The following NELL2 variants were observed in gnomAD, a reference collection of about 807,000 sequenced individuals.
NELL2 encodes the protein protein kinase C-binding protein NELL2.
Under a neutral mutation model 109.6 loss-of-function variants are expected in NELL2, and 41 were observed. The ratio of observed to expected loss-of-function variants is 0.37; its 90% CI spans 0.29 to 0.49. The LOEUF is 0.49. Ranked by LOEUF, NELL2 falls within the 20% of genes least tolerant of loss-of-function variation. NELL2 has a pLI of 0.98. For synonymous variants in NELL2, 355 were observed against 344.7 expected (o/e 1.03, Z -0.33); for missense variants, 900 against 1,008.3 (o/e 0.89, Z 1.45).
In NELL2 at chr12:44,716,570, GT is replaced by G. The variant is rs548200041; in HGVS notation, c.995-1830del. ...GACATCTAATTTTTAGGATTTTTTT[GT>G]TTTTATGAAACTCAGTAACCTCAAC... On this transcript the variant is annotated intron_variant, in intron 9 of 19. Transcript: ENST00000429094. Among the ~76,000 whole-genome samples, 487 of 152,050 alleles carry G rather than the reference GT, an allele frequency of 3.2e-3. 1 individual carries two copies. The highest frequency in any genetic ancestry group is 5.0e-3 in the Non-Finnish European group (343 of 67,950).
At chr12:44,723,133 G>A (rs1213418078) in intron 9 of NELL2, among the ~76,000 whole-genome samples, 3 of 151,598 alleles carry the variant, frequency 2.0e-5, no homozygotes, top group African/African-American at 4.9e-5. Context: ...AGCTTGCAGT[G>A]AGCCGAGATC....
chr12:44,792,289 T>C (rs1942463710), intron 3 of NELL2, among the ~76,000 whole-genome samples: 1 of 151,954 alleles, frequency 6.6e-6, no homozygotes, highest in South Asian at 2.1e-4. Flanking sequence ...AAACAGACAA[T>C]AAATGGAGAC....
At chr12:44,724,231 G>T (rs1863459798) in intron 9 of NELL2, among the ~76,000 whole-genome samples, 1 of 150,138 alleles carries the variant, frequency 6.7e-6, no homozygotes, top group Admixed American at 6.7e-5. Context: ...ATAGTCACTG[G>T]GCATCACTAG....
At chr12:44,572,031 CTCTT>C (rs537575557) in intron 15 of NELL2, among the ~76,000 whole-genome samples, 26 of 152,108 alleles carry the variant, frequency 1.7e-4, no homozygotes, top group Non-Finnish European at 2.5e-4. Flanking sequence ...AAAAAAAGGA[CTCTT>C]TCTTTCTTTC....
intron 13 of NELL2, among the ~76,000 whole-genome samples, chr12:44,655,382 T>C (rs1047224989): frequency 5.9e-5 from 9 of 152,218 alleles, no homozygotes; most frequent in Non-Finnish European, 1.2e-4. Context: ...TTGAAGCTGG[T>C]GTGCTTCCCC....
At chr12:44,611,879 G>A (rs1168329245) in intron 13 of NELL2, among the ~76,000 whole-genome samples, 1 of 152,006 alleles carries the variant, frequency 6.6e-6, no homozygotes, top group Admixed American at 6.6e-5. Flanking sequence ...ATACAGATGA[G>A]GAGGAAATGC....
chr12:44,914,917 T>C (rs1215421110), upstream of NELL2, among the ~76,000 whole-genome samples: 1 of 152,010 alleles, frequency 6.6e-6, no homozygotes, highest in Non-Finnish European at 1.5e-5. Flanking sequence ...TGGCGTGATC[T>C]CGGCTCACTG....
chr12:44,529,154 A>T (rs771796713), intron 16 of NELL2, among the ~76,000 whole-genome samples: 9 of 152,202 alleles, frequency 5.9e-5, no homozygotes, highest in Non-Finnish European at 1.3e-4. Flanking sequence ...AAGCTGCTAT[A>T]GTGGTTCAGG....
At chr12:44,523,840 T>A (rs1304534672) in intron 16 of NELL2, among the ~76,000 whole-genome samples, 3 of 152,222 alleles carry the variant, frequency 2.0e-5, no homozygotes, top group African/African-American at 7.2e-5. Context: ...AAAGTGCCTA[T>A]GATACTTTAA....
chr12:44,767,565 A>C (rs184991028), intron 9 of NELL2, among the ~76,000 whole-genome samples: 16 of 152,354 alleles, frequency 1.1e-4, no homozygotes, highest in Non-Finnish European at 2.9e-5. Context: ...CACCAAGATT[A>C]TGCATTAATG....
chr12:44,776,179 T>C (rs745433305), intron 7 of NELL2, 29 bp from the exon 8 acceptor site: 31 of 1,608,472 alleles, frequency 1.9e-5, no homozygotes, highest in Non-Finnish European at 2.5e-5. Context: ...GGTTTTACAT[T>C]GTTCATCCTT....
At chr12:44,735,245 T>C (rs771735179) in intron 9 of NELL2, among the ~76,000 whole-genome samples, 1 of 152,202 alleles carries the variant, frequency 6.6e-6, no homozygotes, top group Non-Finnish European at 1.5e-5. Flanking sequence ...TTGTCTGTTG[T>C]TTCTGCCAGT....
chr12:44,826,156 T>G (rs1365990628), intron 2 of NELL2, among the ~76,000 whole-genome samples: 1 of 152,202 alleles, frequency 6.6e-6, no homozygotes, highest in Non-Finnish European at 1.5e-5. Context: ...TGTTTTCTTT[T>G]GAAATTAAAA....
chr12:44,691,447 C>T (rs557525190), intron 12 of NELL2, among the ~76,000 whole-genome samples: 3 of 152,216 alleles, frequency 2.0e-5, no homozygotes, highest in South Asian at 2.1e-4. Flanking sequence ...ATTCCCATCT[C>T]GCCCCCTTTC....
At chr12:44,920,857 C>T (rs1293967792) in intron 1 of NELL2, among the ~76,000 whole-genome samples, 4 of 152,112 alleles carry the variant, frequency 2.6e-5, no homozygotes, top group Non-Finnish European at 5.9e-5. Context: ...AAATACTTTA[C>T]ATAAAAATGG....
chr12:44,589,075 T>A (rs1944650130), intron 15 of NELL2, among the ~76,000 whole-genome samples: 1 of 152,162 alleles, frequency 6.6e-6, no homozygotes, highest in African/African-American at 2.4e-5. Flanking sequence ...AAATAGAGAT[T>A]AAGAAAGATG....
chr12:44,675,672 T>C lies in NELL2; in HGVS notation c.1319-10063A>G, dbSNP rs570137644. Among the ~76,000 whole-genome samples the C allele has an allele frequency of 2.0e-5, 3 of 152,124 alleles. No individual in the cohort carries two copies. The East Asian group carries it at 5.8e-4, about 29-fold the overall frequency. Reference sequence around the variant, plus strand: ...GAGGCACAGAGAAGCCAGAAACAAATTAAAGAGGAGGCAGGTATGGGATCA... The same window carrying C: ...GAGGCACAGAGAAGCCAGAAACAAACTAAAGAGGAGGCAGGTATGGGATCA... On this transcript the variant is annotated intron_variant, in intron 12 of 19. Transcript: ENST00000429094.
At chr12:44,870,469 C>A (rs1945130020) in intron 2 of NELL2, among the ~76,000 whole-genome samples, 1 of 152,166 alleles carries the variant, frequency 6.6e-6, no homozygotes. Context: ...CAAATCACCA[C>A]AAACTTAGTG....
chr12:44,568,265 A>G (rs533163791), intron 15 of NELL2, among the ~76,000 whole-genome samples: 4 of 152,198 alleles, frequency 2.6e-5, no homozygotes, highest in Non-Finnish European at 5.9e-5. Context: ...GAAAGAGTGC[A>G]GAATCACATA....
Sources: gnomAD v4.1 joint callset for allele counts (sites outside exome capture counted in the v4.1 genomes callset) on GRCh38, gnomAD v4.1.1 for gene constraint, MANE v1.5 for transcripts, NCBI Gene and HGNC (gene_info 2026-07-23, HGNC 2026-07-21) for gene names.